Variants in SPON2 observed in about 807,000 individuals in gnomAD.
The protein encoded by SPON2 is spondin 2.
A neutral mutation model predicts 29.9 loss-of-function variants in SPON2; 32 were observed. That is an observed-to-expected ratio of 1.07 (90% CI 0.81 to 1.44). The LOEUF (loss-of-function observed/expected upper bound fraction) is 1.44, where lower values mean the gene tolerates loss of function less well. Ranked by LOEUF, SPON2 falls within the 40% of genes most tolerant of loss-of-function variation. SPON2 has a pLI of 0.00. For missense variants in SPON2, 541 were observed against 455.5 expected, an observed-to-expected ratio of 1.19 and a Z score of -1.71; for synonymous variants, 248 against 209.1, an observed-to-expected ratio of 1.19 and a Z score of -1.61.
At chr4:1,185,237 ATTTCT>A (rs1458918629) in intron 1 of SPON2, among the ~76,000 whole-genome samples, 1 of 151,324 alleles carries the variant, frequency 6.6e-6, no homozygotes, top group Non-Finnish European at 1.5e-5. Context: ...CCCCTGGCTA[ATTTCT>A]TTTTTGTATT....
chr4:1,200,664 A>G (rs1294784177), intron 1 of SPON2: 2 of 369,262 alleles, frequency 5.4e-6, no homozygotes, highest in Non-Finnish European at 5.5e-6. Flanking sequence ...CTGGGCAGCC[A>G]CTGCAGGCCA....
At chr4:1,168,450 G>T (rs1727318354) in intron 5 of SPON2, among the ~76,000 whole-genome samples, 2 of 152,230 alleles carry the variant, frequency 1.3e-5, no homozygotes, top group African/African-American at 4.8e-5. Flanking sequence ...TGGAGAAGGG[G>T]GTCAATGTGC....
chr4:1,203,890 A>C (rs1232244970), intron 1 of SPON2, among the ~76,000 whole-genome samples: 2 of 150,040 alleles, frequency 1.3e-5, no homozygotes, highest in African/African-American at 4.9e-5. Context: ...TTTTTTTTTG[A>C]GTTAGAGTCT....
At chr4:1,170,946 G>C in intron 4 of SPON2, 53 bp downstream of exon 4, 21 of 1,542,986 alleles carry the variant, frequency 1.4e-5, no homozygotes, top group Non-Finnish European at 1.8e-5. Context: ...CCCCAGCCCC[G>C]TCCCCACCGC....
intron 1 of SPON2, among the ~76,000 whole-genome samples, chr4:1,205,872 G>A (rs570266774): frequency 7.2e-5 from 11 of 152,172 alleles, no homozygotes; most frequent in Admixed American, 2.0e-4. Context: ...GGTCCAGGAG[G>A]GGCCTCTGAG....
At position 1,167,360 on chromosome 4, in the gene SPON2, C is replaced by G; in HGVS notation, c.*112G>C. The stretch of plus-strand genomic sequence containing the variant: ...ATGGTCGGCGCGGCCTCACCGCGGT[C>G]AGGAGCAGCGCGAAACCCCCTGTGC... On this transcript the variant is annotated 3_prime_UTR_variant, in exon 6 of 6. Coordinates refer to ENST00000290902, the MANE Select transcript of SPON2 (RefSeq NM_012445.4). The G allele has an allele frequency of 8.5e-7, 1 of 1,176,410 alleles. No individual in the cohort carries two copies. Among genetic ancestry groups the G allele is most frequent in the Non-Finnish European group, 1.2e-6 (1 of 836,212 alleles). 72.9% of individuals were successfully genotyped at this position (1,176,410 alleles called of 1,614,324 possible).
At chr4:1,188,944 A>C (rs1727853375) in intron 1 of SPON2, among the ~76,000 whole-genome samples, 1 of 152,220 alleles carries the variant, frequency 6.6e-6, no homozygotes, top group Non-Finnish European at 1.5e-5. Flanking sequence ...TCATAAAATA[A>C]ATCTCAACAA....
chr4:1,194,886 G>GCAGCCGGCGGCT (rs1728010479), intron 1 of SPON2: 4 of 74,612 alleles, frequency 5.4e-5, no homozygotes, highest in African/African-American at 1.6e-4. Context: ...CGGCTCCAAC[G>GCAGCCGGCGGCT]CCACAGCCGG....
At chr4:1,206,162 T>C (rs1244159558) in intron 1 of SPON2, among the ~76,000 whole-genome samples, 1 of 152,132 alleles carries the variant, frequency 6.6e-6, no homozygotes. Context: ...CCCGGGGCCA[T>C]GAACAGGAGG....
chr4:1,171,417 A>G lies in SPON2; in HGVS notation c.290T>C (p.Phe97Ser). 1.2e-6 allele frequency: 2 copies of G among 1,612,276 alleles called. No homozygotes were observed. Among genetic ancestry groups the G allele is most frequent in the Non-Finnish European group, 8.5e-7 (1 of 1,179,762 alleles). Residue 97 changes from phenylalanine to serine, a missense_variant, in exon 3 of 6, where the codon TTT (phenylalanine) becomes TCT (serine). Physicochemically the swap from Phe to Ser is radical, Grantham distance 155. Transcript: ENST00000290902. ...NQYVSNGLRD[F>S]AERGEAWALM... is the part of the protein sequence containing the mutation. ...CGCCCAGGCCTCGCCGCGCTCCGCA[A>G]AGTCGCGCAGCCCGTTACTGACGTA...
intron 1 of SPON2, among the ~76,000 whole-genome samples, chr4:1,207,643 C>G (rs959891887): frequency 6.9e-6 from 1 of 144,564 alleles, no homozygotes; most frequent in Non-Finnish European, 1.5e-5. Context: ...CCAGAGGGTC[C>G]GGCTGCCTAA....
chr4:1,171,223 C>T (rs1200405921), intron 3 of SPON2, 33 bp from the exon 4 acceptor site: 6 of 1,443,202 alleles, frequency 4.2e-6, no homozygotes, highest in African/African-American at 1.5e-5. Flanking sequence ...CGCCTGGCCC[C>T]GGCCCCCCGG....
chr4:1,205,506 G>A (rs556969195), intron 1 of SPON2, among the ~76,000 whole-genome samples: 1 of 152,324 alleles, frequency 6.6e-6, no homozygotes, highest in South Asian at 2.1e-4. Flanking sequence ...ACCCTGCAGA[G>A]GTGCTAAGGT....
chr4:1,167,723 C>T, intron 5 of SPON2, 67 bp from the exon 6 acceptor site: 2 of 1,487,478 alleles, frequency 1.3e-6, no homozygotes, highest in Non-Finnish European at 9.0e-7. Context: ...CAAACGGAAG[C>T]CACCTCCCAC....
upstream of SPON2, chr4:1,172,875 C>A (rs1482429612): frequency 1.1e-5 from 1 of 91,566 alleles, no homozygotes; most frequent in Non-Finnish European, 2.3e-5. Flanking sequence ...CTCCCTGTCC[C>A]CTCCCTTCCC....
Position 1,202,059 on chromosome 4 carries a change from T to TG in SPON2, c.-234+5820_-234+5821insC. Among the ~76,000 whole-genome samples the TG allele has an allele frequency of 6.6e-6, 1 of 152,282 alleles. No individual in the cohort carries two copies. The highest frequency in any genetic ancestry group is 1.9e-4 in the East Asian group (1 of 5,186). ...CCCACTCATCTCACTCCGGAACACG[T>TG]TCATCATCCGCAGAAGACGTCCTGT... On this transcript the variant is annotated intron_variant, in intron 1 of 3. Transcript: ENST00000509233. This position sits in a 1 kb window ranked among gnomAD's most constrained non-coding sequence, Gnocchi z 5.4.
rs754126926 is a variant in SPON2, at chr4:1,172,017, G to A, written c.55C>T (p.Leu19=). 2.5e-6 allele frequency: 4 copies of A among 1,612,420 alleles called. No individual in the cohort carries two copies. The African/African-American group carries it at 4.0e-5, about 16-fold the overall frequency. ...ALGKALCALL[L]ATLGAAGQPL... is the part of the protein sequence containing the mutation. ...TGGCCGGCGGCGCCGAGAGTGGCCA[G>A]GAGGAGAGCGCAGAGGGCCTTGCCC... is the stretch of plus-strand genomic sequence containing the variant. The change falls in exon 2 of 6, where the codon CTG becomes TTG. Residue 19 remains leucine, a synonymous_variant. Transcript: ENST00000290902.
chr4:1,188,030 C>T (rs1311847975), intron 1 of SPON2, among the ~76,000 whole-genome samples: 3 of 150,728 alleles, frequency 2.0e-5, no homozygotes, highest in African/African-American at 4.9e-5. Flanking sequence ...GATGAAACAC[C>T]GTCTCTACTA....
At position 1,171,187 on chromosome 4, in the gene SPON2, A is replaced by G. The variant is rs758644390; in HGVS notation, c.448T>C (p.Ser150Pro). 1.3e-6 allele frequency: 2 copies of G among 1,510,080 alleles called. No individual in the cohort carries two copies. The highest frequency in any genetic ancestry group is 1.8e-6 in the Non-Finnish European group (2 of 1,134,610). The allele number at this position is 1,510,080 out of a possible 1,614,324, so 93.5% of individuals were successfully genotyped here. The change falls in exon 4 of 6, where the codon TCG becomes CCG. Residue 150 changes from serine (S) to proline (P), a missense_variant. Ser to Pro is a moderately conservative substitution (Grantham distance 74). Coordinates refer to ENST00000290902, the MANE Select transcript of SPON2 (RefSeq NM_012445.4). ...CTGGGCACGATGCGCACCACAAACG[A>G]GACCTGCGGCGACAGCGGCTCAGCG... Reference protein sequence around the residue: ...LEVQRRHSLVSFVVRIVPSPD... With the variant: ...LEVQRRHSLVPFVVRIVPSPD...
Sources: allele counts gnomAD v4.1 joint callset (sites outside exome capture counted in the v4.1 genomes callset), GRCh38; gene constraint gnomAD v4.1.1; non-coding constraint Gnocchi (gnomAD v3.1); transcripts MANE v1.5; gene names NCBI Gene and HGNC (gene_info 2026-07-23, HGNC 2026-07-21).